Variants in SLC36A1 observed in about 807,000 individuals in gnomAD.
SLC36A1 encodes proton-coupled amino acid transporter 1.
A neutral mutation model predicts 47.5 loss-of-function variants in SLC36A1; 30 were observed. That is an observed-to-expected ratio of 0.63 (90% CI 0.47 to 0.86). The LOEUF is 0.86. Ranked by LOEUF, SLC36A1 falls within the 40% of genes least tolerant of loss-of-function variation. The probability of loss-of-function intolerance (pLI) is 0.00; values close to 1 mark genes in which losing one functional copy is unlikely to be tolerated. For synonymous variants in SLC36A1, 255 were observed against 249.7 expected (o/e 1.02, Z -0.20); for missense variants, 517 against 606.0 (o/e 0.85, Z 1.54).
the SLC36A1 span, among the ~76,000 whole-genome samples, chr5:151,356,895 A>G: frequency 1.3e-5 from 2 of 152,176 alleles, no homozygotes; most frequent in Admixed American, 6.5e-5. Context: ...TAAGGAAGAA[A>G]AAAATAGGAA....
At chr5:151,434,775 A>T (rs1759671388), upstream of SLC36A1, among the ~76,000 whole-genome samples, 1 of 152,194 alleles carries the variant, frequency 6.6e-6, no homozygotes, top group Non-Finnish European at 1.5e-5. Flanking sequence ...CCATGTGAGG[A>T]TACAATGAGA....
At chr5:151,434,330 A>T (rs1256803462), upstream of SLC36A1, among the ~76,000 whole-genome samples, 3 of 152,238 alleles carry the variant, frequency 2.0e-5, no homozygotes, top group Non-Finnish European at 4.4e-5. Flanking sequence ...ATCAGGTGAA[A>T]TGGAAAGTTA....
the SLC36A1 span, chr5:151,540,478 T>G: frequency 2.5e-6 from 3 of 1,196,450 alleles, no homozygotes; most frequent in South Asian, 3.1e-5. Flanking sequence ...TCAATCTCCC[T>G]TCTCCTGCTC....
upstream of SLC36A1, among the ~76,000 whole-genome samples, chr5:151,444,288 T>A (rs900935204): frequency 6.6e-6 from 1 of 152,242 alleles, no homozygotes; most frequent in African/African-American, 2.4e-5. Context: ...TTAATTCTTC[T>A]GATCCATGTG....
intron 6 of SLC36A1, 50 bp downstream of exon 6, chr5:151,467,333 T>C: frequency 8.4e-7 from 1 of 1,193,166 alleles, no homozygotes; most frequent in Non-Finnish European, 1.2e-6. Context: ...AGAGCGAGAA[T>C]GGCAAAAGAT....
At chr5:151,347,585 C>A in the SLC36A1 span, 2 of 1,253,358 alleles carry the variant, frequency 1.6e-6, no homozygotes, top group Non-Finnish European at 2.3e-6. Context: ...TGGCTCTGGC[C>A]AAGCTGGAAC....
the SLC36A1 span, among the ~76,000 whole-genome samples, chr5:151,367,740 A>G: frequency 6.6e-6 from 1 of 152,208 alleles, no homozygotes; most frequent in Non-Finnish European, 1.5e-5. Flanking sequence ...TGAGAACTGA[A>G]AAATGTCCAT....
intron 2 of SLC36A1, among the ~76,000 whole-genome samples, chr5:151,459,301 C>T (rs1581106936): frequency 1.3e-5 from 2 of 152,222 alleles, no homozygotes; most frequent in East Asian, 1.9e-4. Flanking sequence ...CCCCCGAATT[C>T]TGCCCCATCA....
At chr5:151,533,789 T>C in the SLC36A1 span, among the ~76,000 whole-genome samples, 1 of 152,084 alleles carries the variant, frequency 6.6e-6, no homozygotes, top group Non-Finnish European at 1.5e-5. Flanking sequence ...GAGTTATATA[T>C]ATGTATGTAT....
chr5:151,513,261 A>G, the SLC36A1 span, among the ~76,000 whole-genome samples: 1 of 152,274 alleles, frequency 6.6e-6, no homozygotes, highest in South Asian at 2.1e-4. Flanking sequence ...GAAAGTAATT[A>G]TTTTTCATAA....
At chr5:151,436,547 G>T (rs1277947521), upstream of SLC36A1, among the ~76,000 whole-genome samples, 1 of 151,786 alleles carries the variant, frequency 6.6e-6, no homozygotes, top group Non-Finnish European at 1.5e-5. Context: ...TAGGGTCTAT[G>T]TGAGTGGTCA....
At chr5:151,378,020 G>C in the SLC36A1 span, 3 of 240,262 alleles carry the variant, frequency 1.2e-5, no homozygotes, top group African/African-American at 2.3e-5. Context: ...ATTGGCTTAA[G>C]ATAACTGGAA....
chr5:151,542,413 C>G, the SLC36A1 span: 3 of 1,614,148 alleles, frequency 1.9e-6, no homozygotes, highest in Non-Finnish European at 2.5e-6. Context: ...AGAAGCAAAT[C>G]GGGGAGCATT....
the SLC36A1 span, among the ~76,000 whole-genome samples, chr5:151,361,036 G>A: frequency 2.4e-3 from 363 of 152,290 alleles, 2 homozygotes; most frequent in Non-Finnish European, 3.7e-3. Flanking sequence ...GGCCATTAAA[G>A]TAATGTTATG....
the SLC36A1 span, among the ~76,000 whole-genome samples, chr5:151,420,870 C>T: frequency 1.5e-3 from 216 of 144,576 alleles, no homozygotes; most frequent in Non-Finnish European, 2.4e-3. Context: ...CTTTCTTTCT[C>T]TTTCTTTCTT....
chr5:151,528,249 G>T, the SLC36A1 span: 6 of 1,249,458 alleles, frequency 4.8e-6, no homozygotes, highest in East Asian at 9.5e-5. Context: ...GCAGTGCCTG[G>T]ATCACAGTTG....
intron 3 of SLC36A1, among the ~76,000 whole-genome samples, chr5:151,464,243 T>A (rs1477620597): frequency 6.6e-6 from 1 of 152,226 alleles, no homozygotes; most frequent in Non-Finnish European, 1.5e-5. Context: ...TCTATTCTGC[T>A]GATGTGCACC....
rs2127553077 is a variant in SLC36A1 at position 151,489,582 on chromosome 5, CTT to C, written c.*1330_*1331del. The C allele has an allele frequency of 6.5e-6, 1 of 152,756 alleles. No homozygotes were observed. Among genetic ancestry groups the C allele is most frequent in the South Asian group, 2.1e-4 (1 of 4,818 alleles). 9.5% of individuals were successfully genotyped at this position (152,756 alleles called of 1,614,324 possible). On this transcript the variant is annotated 3_prime_UTR_variant, in exon 11 of 11. Coordinates refer to ENST00000243389, the MANE Select transcript of SLC36A1 (RefSeq NM_078483.4). The surrounding 1 kb of genome is among the most constrained non-coding windows in gnomAD (Gnocchi z 4.5). ...ACTGAACACTAATTATGAGCCCTGT[CTT>C]TCCCCCAGAATGCCTCCCTGGGTTT...
At chr5:151,421,647 G>A in the SLC36A1 span, among the ~76,000 whole-genome samples, 2 of 151,236 alleles carry the variant, frequency 1.3e-5, no homozygotes, top group African/African-American at 4.9e-5. Context: ...CTGGAGTGCA[G>A]TGGTGTGACC....
Sources: gnomAD v4.1 joint callset for allele counts (sites outside exome capture counted in the v4.1 genomes callset) on GRCh38, gnomAD v4.1.1 for gene constraint, Gnocchi (gnomAD v3.1) non-coding constraint, MANE v1.5 for transcripts, NCBI Gene and HGNC (gene_info 2026-07-23, HGNC 2026-07-21) for gene names.